Variants in CEP295 observed in about 807,000 individuals in gnomAD.
The protein encoded by CEP295 is centrosomal protein 295, also known as centrosomal protein of 295 kDa.
Under a neutral mutation model 291.6 loss-of-function variants are expected in CEP295, and 190 were observed. That is an observed-to-expected ratio of 0.65 (90% CI 0.58 to 0.73). CEP295 has a LOEUF of 0.73. Ranked by LOEUF, CEP295 falls within the 30% of genes least tolerant of loss-of-function variation. The pLI, the probability that CEP295 is intolerant of heterozygous loss-of-function variation, is 0.00. For missense variants in CEP295, 2,863 were observed against 2,949.4 expected (o/e 0.97, Z 0.68); for synonymous variants, 993 against 1,038.8 (o/e 0.96, Z 0.85).
Position 93,666,783 on chromosome 11 carries a change from T to G in CEP295, c.76T>G (p.Tyr26Asp), listed in dbSNP as rs1247757182. 1 of 1,548,090 alleles carries G rather than the reference T, an allele frequency of 6.5e-7. No homozygotes were observed. Residue 26 changes from tyrosine (Y) to aspartate (D), a missense_variant, in exon 2 of 30, where the codon TAT becomes GAT. By Grantham distance (160) the Tyr-to-Asp change is radical. This residue lies in a region of CEP295 where 554 missense variants were observed against 576.0 expected (regional missense o/e 0.96). Coordinates refer to ENST00000325212, the MANE Select transcript of CEP295 (RefSeq NM_033395.2). ...GGAAGCCTTCATTTTGAAGGAAGATTATGAAAGAAGGCGAAAACTAAGATT... is the reference window on the plus strand; with the variant it reads ...GGAAGCCTTCATTTTGAAGGAAGATGATGAAAGAAGGCGAAAACTAAGATT... ...NEEAFILKED[Y>D]ERRRKLRLLQ...
In CEP295 at chr11:93,696,690, G is replaced by A. The variant is rs1421583972; in HGVS notation, c.1778G>A (p.Arg593Lys). Residue 593 changes from arginine to lysine, a missense_variant, in exon 15 of 30, where the codon AGG becomes AAG. This residue lies in a region of CEP295 where 2,295 missense variants were observed against 2,335.7 expected (regional missense o/e 0.98). Coordinates refer to ENST00000325212, the MANE Select transcript of CEP295 (RefSeq NM_033395.2). ...GCTTTTGTTTTTGGTAGGTTACACA[G>A]GCAGTCTGTTGAAACAGCCAGGAAA... ...HQLLQQNRLH[R>K]QSVETARKQL... The A allele has an allele frequency of 6.5e-7, 1 of 1,544,942 alleles. No homozygotes were observed. Among genetic ancestry groups the A allele is most frequent in the South Asian group, 1.2e-5 (1 of 82,774 alleles).
rs1189695715 is a variant in CEP295 at position 93,699,973 on chromosome 11, C to T, written c.5061C>T (p.Ile1687=). 3.2e-6 allele frequency: 5 copies of T among 1,551,550 alleles called. No homozygotes were observed. The highest frequency in any genetic ancestry group is 1.2e-5 in the South Asian group (1 of 84,060). Residue 1687 remains isoleucine, a synonymous_variant, in exon 15 of 30, where the codon ATC becomes ATT. Transcript: ENST00000325212. ...CAGCCCCCCCAAGTAATCCTGTGAT[C>T]CCAGGGTTTCAAGATAGACTTTTGA... ...EHAAPPSNPV[I]PGFQDRLLSF... is the part of the protein sequence containing the mutation.
chr11:93,695,868 G>A (rs923370208), intron 13 of CEP295, among the ~76,000 whole-genome samples: 5 of 152,050 alleles, frequency 3.3e-5, no homozygotes, highest in Admixed American at 3.3e-4. Flanking sequence ...AAAATTAGCT[G>A]GGCATGGTGG....
Position 93,683,723 on chromosome 11 carries a change from T to C in CEP295, c.930T>C (p.Asp310=), listed in dbSNP as rs1334703383. The stretch of plus-strand genomic sequence containing the variant: ...GAGAATTGGAATTTGCCTTTGAAGA[T>C]ATGTACAATGCAGACAGGAGTAAGA... The part of the protein sequence containing the change: ...WQRELEFAFE[D]MYNADRKVKG... The change falls in exon 8 of 30, where the codon GAT becomes GAC. Residue 310 remains aspartate, a synonymous_variant. Transcript: ENST00000325212. The C allele has an allele frequency of 1.3e-6, 2 of 1,545,718 alleles. No individual in the cohort carries two copies. Among genetic ancestry groups the C allele is most frequent in the African/African-American group, 2.8e-5 (2 of 72,596 alleles).
chr11:93,711,514 T>C (rs1952896850), intron 18 of CEP295, among the ~76,000 whole-genome samples: 1 of 152,104 alleles, frequency 6.6e-6, no homozygotes, highest in African/African-American at 2.4e-5. Flanking sequence ...GTTTTTGTTT[T>C]TGTTTTGAGA....
intron 10 of CEP295, among the ~76,000 whole-genome samples, chr11:93,689,021 A>G (rs1951385689): frequency 6.6e-6 from 1 of 152,078 alleles, no homozygotes; most frequent in African/African-American, 2.4e-5. Context: ...CTTATGTCCA[A>G]ACTATTAGCT....
In CEP295 at chr11:93,730,263, A is replaced by G. The variant is rs757142300; in HGVS notation, c.7800A>G (p.Thr2600=). ...KTLEKLRAKN[T]C ...TAGAGAAACTTCGAGCCAAAAATAC[A>G]TGCTGACTTTCTAGAAATAGTGTAA... Residue 2600 remains threonine, a synonymous_variant, in exon 30 of 30, where the codon ACA becomes ACG. Coordinates refer to ENST00000325212, the MANE Select transcript of CEP295 (RefSeq NM_033395.2). 4.3e-5 allele frequency: 67 copies of G among 1,547,824 alleles called. 1 individual carries two copies. In the Middle Eastern group the frequency reaches 2.9e-3, roughly 67 times the overall value.
intron 18 of CEP295, among the ~76,000 whole-genome samples, chr11:93,711,829 T>G (rs577670999): frequency 4.2e-4 from 63 of 151,326 alleles, no homozygotes; most frequent in African/African-American, 1.4e-3. Flanking sequence ...TTTGTTTGTT[T>G]TTTTTTTTTT....
chr11:93,667,826 G>T lies in CEP295; in HGVS notation c.309+19G>T. ...AGAAAATGTGAGTGAGATCTTATTTGACTACCCTGTTGTGGCAGTAATATT... is the reference window on the plus strand; with the variant it reads ...AGAAAATGTGAGTGAGATCTTATTTTACTACCCTGTTGTGGCAGTAATATT... On this transcript the variant is annotated intron_variant, in intron 3 of 29. Coordinates refer to ENST00000325212, the MANE Select transcript of CEP295 (RefSeq NM_033395.2). 2 of 1,500,438 alleles carry T rather than the reference G, an allele frequency of 1.3e-6. No homozygotes were observed. Among genetic ancestry groups the T allele is most frequent in the South Asian group, 2.5e-5 (2 of 80,712 alleles). The allele number at this position is 1,500,438 out of a possible 1,614,324, so 92.9% of individuals were successfully genotyped here. A position where few individuals can be genotyped will look rare whatever the true frequency, so the allele number is the denominator to read the frequency against.
Position 93,684,028 on chromosome 11 carries a change from C to G in CEP295, c.1014C>G (p.Ile338Met). Residue 338 changes from isoleucine (I) to methionine (M), a missense_variant, in exon 9 of 30, where the codon ATC (isoleucine) becomes ATG (methionine). Physicochemically the swap from Ile to Met is conservative, Grantham distance 10. Coordinates refer to ENST00000325212, the MANE Select transcript of CEP295 (RefSeq NM_033395.2). Reference sequence around the variant, plus strand: ...CCTTGCCCACTGTGACTAATCAGATCCAAGATGAAGAGCTGGACCTTTCAA... The same window carrying G: ...CCTTGCCCACTGTGACTAATCAGATGCAAGATGAAGAGCTGGACCTTTCAA... The part of the protein sequence containing the change: ...PEPLPTVTNQ[I>M]QDEELDLSME... 1 of 1,551,726 alleles carries G rather than the reference C, an allele frequency of 6.4e-7. No homozygotes were observed. The highest frequency in any genetic ancestry group is 1.4e-5 in the African/African-American group (1 of 73,092).
chr11:93,680,976 C>A (rs1260088761), intron 7 of CEP295, among the ~76,000 whole-genome samples: 1 of 152,192 alleles, frequency 6.6e-6, no homozygotes, highest in East Asian at 1.9e-4. Context: ...CTTTCATAAA[C>A]TAGGAGTGAA....
intron 10 of CEP295, 145 bp downstream of exon 10, chr11:93,688,010 G>A: frequency 1.9e-6 from 1 of 525,090 alleles, no homozygotes; most frequent in South Asian, 3.8e-5. Flanking sequence ...CATTATAAAA[G>A]CCTTAGTGAA....
At chr11:93,703,008 G>A (rs1030376180) in intron 17 of CEP295, 89 bp downstream of exon 17, 3 of 1,078,192 alleles carry the variant, frequency 2.8e-6, no homozygotes, top group Non-Finnish European at 3.9e-6. Context: ...CTGTTGCCCA[G>A]GCTGGAATGC....
At chr11:93,717,942 T>C (rs1417555023) in intron 18 of CEP295, among the ~76,000 whole-genome samples, 2 of 152,206 alleles carry the variant, frequency 1.3e-5, no homozygotes, top group African/African-American at 4.8e-5. Context: ...GACAGGGTCT[T>C]GCTCTATCAC....
intron 7 of CEP295, among the ~76,000 whole-genome samples, chr11:93,682,702 A>T (rs1183126590): frequency 6.6e-6 from 1 of 151,814 alleles, no homozygotes; most frequent in Non-Finnish European, 1.5e-5. Context: ...ATTTCCTTCT[A>T]GTGTCTATAT....
chr11:93,669,605 C>T (rs1034701463), intron 4 of CEP295, 72 bp from the exon 5 acceptor site: 5 of 973,942 alleles, frequency 5.1e-6, no homozygotes, highest in South Asian at 2.9e-5. Flanking sequence ...CTATGACTTA[C>T]ATATTTTTAA....
At chr11:93,694,030 C>G (rs1164552350) in intron 12 of CEP295, among the ~76,000 whole-genome samples, 1 of 152,184 alleles carries the variant, frequency 6.6e-6, no homozygotes, top group Non-Finnish European at 1.5e-5. Flanking sequence ...AGTCTAAATT[C>G]AGGGGCTCCT....
rs997924267 is a variant in CEP295, at chr11:93,675,614, C to T, written c.572C>T (p.Ser191Phe). The T allele has an allele frequency of 1.3e-6, 2 of 1,512,882 alleles. No individual in the cohort carries two copies. The highest frequency in any genetic ancestry group is 1.4e-5 in the African/African-American group (1 of 70,640). 93.7% of individuals were successfully genotyped at this position (1,512,882 alleles called of 1,614,324 possible). Residue 191 changes from serine to phenylalanine, a missense_variant, in exon 6 of 30, where the codon TCT becomes TTT. Physicochemically the swap from Ser to Phe is radical, Grantham distance 155. Coordinates refer to ENST00000325212, the MANE Select transcript of CEP295 (RefSeq NM_033395.2). ...ATTTCTGCAGTCAAAACCAATAGTT[C>T]TACCTACCATCATCTTCACACTTTT... Reference protein sequence around the residue: ...KRISAVKTNSSTYHHLHTFVN... With the variant: ...KRISAVKTNSFTYHHLHTFVN...
chr11:93,678,302 A>C (rs1326101429), intron 6 of CEP295, among the ~76,000 whole-genome samples: 4 of 152,220 alleles, frequency 2.6e-5, no homozygotes, highest in Admixed American at 2.0e-4. Flanking sequence ...CCTACAGATT[A>C]TAATTTTGAT....
Sources: gnomAD v4.1 joint callset for allele counts (sites outside exome capture counted in the v4.1 genomes callset) on GRCh38, gnomAD v4.1.1 for gene constraint, gnomAD v4.1.1 regional missense constraint, MANE v1.5 for transcripts, NCBI Gene and HGNC (gene_info 2026-07-23, HGNC 2026-07-21) for gene names.